Variants in PAG1 observed in about 807,000 individuals in gnomAD.
PAG1 encodes the protein phosphoprotein membrane anchor with glycosphingolipid microdomains 1.
A neutral mutation model predicts 31.7 loss-of-function variants in PAG1; 23 were observed. The observed-to-expected ratio is 0.73, with a 90% CI of 0.52 to 1.03. The LOEUF (loss-of-function observed/expected upper bound fraction) is 1.03. Ranked by LOEUF, PAG1 falls within the 50% of genes least tolerant of loss-of-function variation. PAG1 has a pLI of 0.00. For missense variants in PAG1, 473 were observed against 540.7 expected (o/e 0.87, Z 1.24); for synonymous variants, 214 against 210.3 (o/e 1.02, Z -0.15).
At chr8:81,063,640 G>A (rs1245029491) in intron 2 of PAG1, among the ~76,000 whole-genome samples, 1 of 152,138 alleles carries the variant, frequency 6.6e-6, no homozygotes, top group African/African-American at 2.4e-5. Flanking sequence ...GGCTGTGAAA[G>A]TATCACTCCA....
At chr8:81,002,773 T>C (rs532744485) in intron 3 of PAG1, among the ~76,000 whole-genome samples, 3 of 152,344 alleles carry the variant, frequency 2.0e-5, no homozygotes, top group East Asian at 1.9e-4. Context: ...TTCATAAAAA[T>C]AGAACCAAAA....
At chr8:81,045,086 C>G (rs1808619476) in intron 2 of PAG1, among the ~76,000 whole-genome samples, 1 of 152,200 alleles carries the variant, frequency 6.6e-6, no homozygotes, top group Non-Finnish European at 1.5e-5. Context: ...TCACCACACA[C>G]AGAATGTCCA....
intron 7 of PAG1, among the ~76,000 whole-genome samples, chr8:80,982,322 G>A (rs1023665982): frequency 2.0e-5 from 3 of 151,770 alleles, no homozygotes; most frequent in Non-Finnish European, 2.9e-5. Context: ...AATGAGACTC[G>A]CCTTCCCTGA....
intron 1 of PAG1, among the ~76,000 whole-genome samples, chr8:81,078,304 G>A (rs1372304935): frequency 6.6e-6 from 1 of 152,206 alleles, no homozygotes; most frequent in African/African-American, 2.4e-5. Flanking sequence ...CAATTTCATT[G>A]TAATTTGAAG....
intron 3 of PAG1, among the ~76,000 whole-genome samples, chr8:80,996,360 C>T (rs79399628): frequency 0.02 from 3,001 of 152,284 alleles, 70 homozygotes; most frequent in African/African-American, 0.064. Flanking sequence ...TTACAGCAGA[C>T]GTCCTTGGTG....
chr8:81,055,180 C>G (rs1808797787), intron 2 of PAG1, among the ~76,000 whole-genome samples: 1 of 151,602 alleles, frequency 6.6e-6, no homozygotes, highest in Admixed American at 6.6e-5. Flanking sequence ...CCTCCCGCCT[C>G]AGCCTCCCAA....
intron 2 of PAG1, among the ~76,000 whole-genome samples, chr8:81,061,545 A>G (rs1271778603): frequency 6.6e-6 from 1 of 152,196 alleles, no homozygotes; most frequent in Non-Finnish European, 1.5e-5. Context: ...GATTCTAGGC[A>G]ATGATGATGA....
chr8:81,100,748 T>C (rs1207431200), intron 1 of PAG1, among the ~76,000 whole-genome samples: 1 of 152,236 alleles, frequency 6.6e-6, no homozygotes, highest in Non-Finnish European at 1.5e-5. Context: ...ACCACAGTCC[T>C]TGGCATATTA....
intron 3 of PAG1, among the ~76,000 whole-genome samples, chr8:80,998,883 T>G (rs1283291534): frequency 6.6e-6 from 1 of 152,182 alleles, no homozygotes; most frequent in Non-Finnish European, 1.5e-5. Flanking sequence ...CCCTCACTGT[T>G]GGATGAAATA....
At chr8:81,044,928 C>T (rs941909807) in intron 2 of PAG1, among the ~76,000 whole-genome samples, 1 of 152,156 alleles carries the variant, frequency 6.6e-6, no homozygotes, top group Non-Finnish European at 1.5e-5. Context: ...CCAGTCTCCC[C>T]GGGCATAACT....
Position 80,991,498 on chromosome 8 carries a change from T to C in PAG1, c.158A>G (p.His53Arg). The change falls in exon 5 of 9, where the codon CAT becomes CGT. Residue 53 changes from histidine (H) to arginine (R), a missense_variant. Coordinates refer to ENST00000220597, the MANE Select transcript of PAG1 (RefSeq NM_018440.4). ...GCTCACCACGTTCATCAGGTTCTCA[T>C]GGTCCCCACTATGCTGTCGCGGCTT... is the stretch of plus-strand genomic sequence containing the variant. ...EKKPRQHSGD[H>R]ENLMNVPSDK... 2 of 1,613,826 alleles carry C rather than the reference T, an allele frequency of 1.2e-6. No individual in the cohort carries two copies. Among genetic ancestry groups the C allele is most frequent in the Middle Eastern group, 3.3e-4 (2 of 6,060 alleles).
At chr8:81,025,224 G>GA (rs1348100529) in intron 3 of PAG1, among the ~76,000 whole-genome samples, 1 of 151,754 alleles carries the variant, frequency 6.6e-6, no homozygotes, top group African/African-American at 2.4e-5. Context: ...ACCCACCTGA[G>GA]AAAATATAAA....
At chr8:81,052,705 TG>T (rs1444643595) in intron 2 of PAG1, among the ~76,000 whole-genome samples, 5 of 152,254 alleles carry the variant, frequency 3.3e-5, no homozygotes, top group Non-Finnish European at 4.4e-5. Context: ...CTATTATTCT[TG>T]GGATTATTTT....
At chr8:81,058,125 A>G (rs546361066) in intron 2 of PAG1, among the ~76,000 whole-genome samples, 2 of 152,284 alleles carry the variant, frequency 1.3e-5, no homozygotes, top group Admixed American at 1.3e-4. Context: ...TTGTTTGGTG[A>G]GAGATTTCTT....
At chr8:81,054,775 G>A (rs190303141) in intron 2 of PAG1, among the ~76,000 whole-genome samples, 3 of 152,274 alleles carry the variant, frequency 2.0e-5, no homozygotes, top group African/African-American at 2.4e-5. Context: ...ACAGGGGGCC[G>A]GAAAACATGT....
At chr8:80,995,571 A>G (rs1326163894) in intron 3 of PAG1, among the ~76,000 whole-genome samples, 1 of 152,274 alleles carries the variant, frequency 6.6e-6, no homozygotes, top group African/African-American at 2.4e-5. Flanking sequence ...ATTTTTATAC[A>G]CAGGTCCAAA....
At chr8:81,019,451 G>A (rs952470629) in intron 3 of PAG1, among the ~76,000 whole-genome samples, 1 of 152,218 alleles carries the variant, frequency 6.6e-6, no homozygotes, top group African/African-American at 2.4e-5. Flanking sequence ...CCTGTTCTGT[G>A]CAGCCCCGGG....
intron 2 of PAG1, among the ~76,000 whole-genome samples, chr8:81,066,647 A>G (rs185335139): frequency 6.6e-6 from 1 of 152,352 alleles, no homozygotes; most frequent in Non-Finnish European, 1.5e-5. Context: ...TTGGCAGGCA[A>G]ATACTTGCTT....
chr8:80,977,491 T>C (rs1807209844), intron 8 of PAG1, among the ~76,000 whole-genome samples: 1 of 152,222 alleles, frequency 6.6e-6, no homozygotes, highest in South Asian at 2.1e-4. Flanking sequence ...GACTACTCCA[T>C]GCTTCCTGCA....
Sources: gnomAD v4.1 joint callset for allele counts (sites outside exome capture counted in the v4.1 genomes callset) on GRCh38, gnomAD v4.1.1 for gene constraint, MANE v1.5 for transcripts, NCBI Gene and HGNC (gene_info 2026-07-23, HGNC 2026-07-21) for gene names.